CSMD1: variants seen among roughly 807,000 people sequenced by gnomAD.
The protein encoded by CSMD1 is CUB and Sushi multiple domains 1.
A neutral mutation model predicts 417.5 loss-of-function variants in CSMD1; 213 were observed. The ratio of observed to expected loss-of-function variants is 0.51; its 90% CI spans 0.46 to 0.57. The LOEUF (loss-of-function observed/expected upper bound fraction) is 0.57. CSMD1 is among the 20% of genes least tolerant of loss of function. The pLI is 0.00. For missense variants in CSMD1, 6,923 were observed against 4,529.7 expected, an observed-to-expected ratio of 1.53 and a Z score of -15.17; for synonymous variants, 2,862 against 1,736.8, an observed-to-expected ratio of 1.65 and a Z score of -16.11.
chr8:2,999,069 A>C (rs749210087), intron 53 of CSMD1, among the ~76,000 whole-genome samples: 3 of 152,180 alleles, frequency 2.0e-5, no homozygotes, highest in Non-Finnish European at 2.9e-5. Context: ...AAAAATAGTC[A>C]ATATTTACAA....
chr8:4,769,038 C>G (rs10111155), intron 1 of CSMD1, among the ~76,000 whole-genome samples: 4 of 151,970 alleles, frequency 2.6e-5, no homozygotes, highest in African/African-American at 9.7e-5. Flanking sequence ...AAAGCCATCT[C>G]GGGGAATATC....
At chr8:4,400,082 C>G (rs1334995132) in intron 3 of CSMD1, among the ~76,000 whole-genome samples, 1 of 152,056 alleles carries the variant, frequency 6.6e-6, no homozygotes, top group East Asian at 1.9e-4. Context: ...AAAGAGAGAT[C>G]TAAATACGAG....
At chr8:3,898,472 G>A (rs992088603) in intron 5 of CSMD1, among the ~76,000 whole-genome samples, 16 of 152,146 alleles carry the variant, frequency 1.1e-4, no homozygotes, top group East Asian at 3.9e-4. Context: ...TATGGATGTC[G>A]CATCATAATT....
At chr8:4,814,939 A>G (rs1181713011) in intron 1 of CSMD1, among the ~76,000 whole-genome samples, 1 of 152,194 alleles carries the variant, frequency 6.6e-6, no homozygotes, top group Non-Finnish European at 1.5e-5. Context: ...ATTTTGCATT[A>G]TGACTGTTTA....
chr8:3,273,179 A>G (rs186363197), intron 26 of CSMD1, among the ~76,000 whole-genome samples: 3 of 150,678 alleles, frequency 2.0e-5, no homozygotes, highest in Non-Finnish European at 3.0e-5. Flanking sequence ...TTCTGCGTCT[A>G]TTGAGATAAT....
intron 30 of CSMD1, among the ~76,000 whole-genome samples, chr8:3,211,257 C>G (rs1563146713): frequency 6.6e-6 from 1 of 152,122 alleles, no homozygotes. Context: ...GTTGTCCAGA[C>G]TAGTCTTGAA....
chr8:3,727,877 G>A (rs543493015), intron 6 of CSMD1, among the ~76,000 whole-genome samples: 2 of 152,060 alleles, frequency 1.3e-5, no homozygotes, highest in African/African-American at 4.8e-5. Flanking sequence ...GACAAATACT[G>A]TATGATTTCA....
At chr8:3,856,523 C>T (rs147366033) in intron 5 of CSMD1, among the ~76,000 whole-genome samples, 20 of 152,266 alleles carry the variant, frequency 1.3e-4, no homozygotes, top group South Asian at 8.3e-4. Context: ...ATGGAAATCA[C>T]GTAATAAATG....
intron 1 of CSMD1, among the ~76,000 whole-genome samples, chr8:4,987,017 G>A (rs1563937423): frequency 6.6e-6 from 1 of 152,102 alleles, no homozygotes; most frequent in East Asian, 1.9e-4. Flanking sequence ...GTATACATCA[G>A]GTATTACACA....
chr8:4,111,469 A>G (rs1352140297), intron 3 of CSMD1, among the ~76,000 whole-genome samples: 3 of 152,214 alleles, frequency 2.0e-5, no homozygotes, highest in African/African-American at 7.2e-5. Context: ...CACATGCACG[A>G]GTATGTTCAT....
rs767339734 is a variant in CSMD1, at chr8:2,950,356, C to G, written c.10202-13G>C. ...TTCTTGTAAATGCCTGTGAAAAGAT[C>G]AGCAGTTTAGGCTTACCTTGGAGAA... On this transcript the variant is annotated splice_polypyrimidine_tract_variant and intron_variant, in intron 66 of 69. Transcript: ENST00000635120. The G allele has an allele frequency of 1.9e-6, 3 of 1,545,674 alleles. No homozygotes were observed. The highest frequency in any genetic ancestry group is 2.2e-5 in the East Asian group (1 of 44,556).
intron 10 of CSMD1, among the ~76,000 whole-genome samples, chr8:3,542,878 C>T (rs1399279507): frequency 3.3e-5 from 5 of 152,292 alleles, no homozygotes; most frequent in Non-Finnish European, 5.9e-5. Flanking sequence ...CCCTCAGCTA[C>T]GGTGCAAGTG....
chr8:4,094,737 A>G (rs1800909824), intron 3 of CSMD1, among the ~76,000 whole-genome samples: 2 of 152,210 alleles, frequency 1.3e-5, no homozygotes, highest in Admixed American at 6.5e-5. Flanking sequence ...CTCCTTCTCC[A>G]TTCAGACAAA....
chr8:4,849,518 G>A (rs927348034), intron 1 of CSMD1, among the ~76,000 whole-genome samples: 1 of 152,098 alleles, frequency 6.6e-6, no homozygotes, highest in East Asian at 1.9e-4. Context: ...GACTCCTACA[G>A]AGCTACTTCC....
At chr8:4,422,054 G>A (rs572541884) in intron 2 of CSMD1, among the ~76,000 whole-genome samples, 2 of 152,068 alleles carry the variant, frequency 1.3e-5, no homozygotes, top group African/African-American at 2.4e-5. Context: ...GACAATATGG[G>A]TCACTAACTC....
At chr8:4,126,533 T>A (rs992843809) in intron 3 of CSMD1, among the ~76,000 whole-genome samples, 2 of 152,192 alleles carry the variant, frequency 1.3e-5, no homozygotes, top group Non-Finnish European at 2.9e-5. Flanking sequence ...TGGTCAGTGC[T>A]GCAGGGAGGC....
chr8:4,207,281 T>C (rs1045945650), intron 3 of CSMD1, among the ~76,000 whole-genome samples: 9 of 152,174 alleles, frequency 5.9e-5, no homozygotes, highest in African/African-American at 2.2e-4. Context: ...ACTGTACAAT[T>C]ATGGCTGGTC....
chr8:3,783,614 C>T (rs1799297819), intron 5 of CSMD1, among the ~76,000 whole-genome samples: 1 of 152,186 alleles, frequency 6.6e-6, no homozygotes, highest in African/African-American at 2.4e-5. Flanking sequence ...TGAGAGGAAG[C>T]CCTGGATGCA....
At chr8:4,745,633 G>C (rs921977838) in intron 1 of CSMD1, among the ~76,000 whole-genome samples, 1 of 152,138 alleles carries the variant, frequency 6.6e-6, no homozygotes, top group Non-Finnish European at 1.5e-5. Flanking sequence ...TAGAGAGAGA[G>C]TAGAGAGAAG....
Sources: allele counts gnomAD v4.1 joint callset (sites outside exome capture counted in the v4.1 genomes callset), GRCh38; gene constraint gnomAD v4.1.1; transcripts MANE v1.5; gene names NCBI Gene and HGNC (gene_info 2026-07-23, HGNC 2026-07-21).